The following DTNB variants were observed in gnomAD, a reference collection of about 807,000 sequenced individuals.
DTNB encodes DTN-B.
A neutral mutation model predicts 90.7 loss-of-function variants in DTNB; 63 were observed. The ratio of observed to expected loss-of-function variants is 0.69; its 90% confidence interval spans 0.57 to 0.86. The LOEUF (loss-of-function observed/expected upper bound fraction) is 0.86, where lower values mean the gene tolerates loss of function less well. Among genes scored for constraint, DTNB ranks in the 40% least tolerant of loss-of-function variants. The pLI, the probability that DTNB is intolerant of heterozygous loss-of-function variation, is 0.00. For synonymous variants in DTNB, 277 were observed against 286.7 expected (o/e 0.97, Z 0.34); for missense variants, 744 against 807.1 (o/e 0.92, Z 0.95).
At chr2:25,564,120 C>T (rs1186941774) in intron 8 of DTNB, among the ~76,000 whole-genome samples, 1 of 152,022 alleles carries the variant, frequency 6.6e-6, no homozygotes, top group African/African-American at 2.4e-5. Flanking sequence ...CCAGGATGGT[C>T]TCGATCTCCT....
intron 16 of DTNB, among the ~76,000 whole-genome samples, chr2:25,405,849 A>G (rs2045003337): frequency 6.6e-6 from 1 of 152,112 alleles, no homozygotes; most frequent in African/African-American, 2.4e-5. Flanking sequence ...TCAGGAATCA[A>G]GCTCTGGGCA....
At chr2:25,664,391 T>C (rs1382011294) in intron 1 of DTNB, among the ~76,000 whole-genome samples, 2 of 152,208 alleles carry the variant, frequency 1.3e-5, no homozygotes, top group Non-Finnish European at 2.9e-5. Context: ...GCAAAGTTCA[T>C]TTTATTCAAA....
intron 4 of DTNB, among the ~76,000 whole-genome samples, chr2:25,614,201 T>TA (rs1489077195): frequency 1.3e-5 from 2 of 152,156 alleles, no homozygotes; most frequent in Non-Finnish European, 2.9e-5. Context: ...TGGGCATCTT[T>TA]AAAAATAATC....
intron 8 of DTNB, chr2:25,558,502 T>G: frequency 1.5e-6 from 1 of 654,090 alleles, no homozygotes; most frequent in South Asian, 6.9e-5. Flanking sequence ...ACTGCTTGGT[T>G]TAAGCTAAGT....
intron 1 of DTNB, among the ~76,000 whole-genome samples, chr2:25,658,890 CAA>C (rs1001072010): frequency 6.6e-6 from 1 of 152,208 alleles, no homozygotes; most frequent in Admixed American, 6.5e-5. Context: ...CTTTACAACA[CAA>C]AGAGTGAATC....
At chr2:25,490,056 G>A (rs9917341) in intron 9 of DTNB, among the ~76,000 whole-genome samples, 20,022 of 152,202 alleles carry the variant, frequency 0.13, 1,701 homozygotes, top group Non-Finnish European at 0.18. Context: ...CAGGAGGATC[G>A]CTTGAGCCCA....
At chr2:25,499,940 G>A (rs1342453709) in intron 9 of DTNB, among the ~76,000 whole-genome samples, 1 of 152,086 alleles carries the variant, frequency 6.6e-6, no homozygotes, top group Non-Finnish European at 1.5e-5. Context: ...CTTTCACTCA[G>A]GCTGGAGTAC....
At chr2:25,620,048 T>A (rs1205014558) in intron 4 of DTNB, among the ~76,000 whole-genome samples, 2 of 150,384 alleles carry the variant, frequency 1.3e-5, no homozygotes, top group African/African-American at 4.9e-5. Flanking sequence ...TCAAAAAAAA[T>A]AATAAAAAAA....
chr2:25,458,951 T>G (rs1387671945), intron 10 of DTNB, among the ~76,000 whole-genome samples: 1 of 152,110 alleles, frequency 6.6e-6, no homozygotes, highest in African/African-American at 2.4e-5. Context: ...AGCTCTAATT[T>G]TTAAATCTTT....
chr2:25,412,337 G>A lies in DTNB; in HGVS notation c.1575+7178C>T, dbSNP rs550592763. ...ATAGGGCATGATGGCAAGATCCCAC[G>A]TGATAGCCAAACTCACTGAAGTAAA... On this transcript the variant is annotated intron_variant, in intron 16 of 20. Transcript: ENST00000406818. Among the ~76,000 whole-genome samples, 11 of 152,272 alleles carry A rather than the reference G, an allele frequency of 7.2e-5. No individual in the cohort carries two copies. The South Asian group carries it at 1.0e-3, about 14-fold the overall frequency.
chr2:25,408,659 C>A (rs985882971), intron 16 of DTNB, among the ~76,000 whole-genome samples: 1 of 151,550 alleles, frequency 6.6e-6, no homozygotes, highest in Admixed American at 6.6e-5. Flanking sequence ...TATATTGCAG[C>A]TCCAAATGCA....
chr2:25,490,359 C>T (rs1485121592), intron 9 of DTNB, among the ~76,000 whole-genome samples: 4 of 151,942 alleles, frequency 2.6e-5, no homozygotes, highest in East Asian at 1.9e-4. Context: ...AGAGTGGAGA[C>T]GGTTTTCTGA....
At chr2:25,605,787 T>C (rs570403428) in intron 5 of DTNB, among the ~76,000 whole-genome samples, 1 of 152,316 alleles carries the variant, frequency 6.6e-6, no homozygotes, top group South Asian at 2.1e-4. Flanking sequence ...TTTCTTTGTG[T>C]TTGATGAAAT....
intron 5 of DTNB, 100 bp downstream of exon 5, chr2:25,607,136 T>C (rs1392719993): frequency 7.6e-7 from 1 of 1,318,424 alleles, no homozygotes; most frequent in Non-Finnish European, 1.0e-6. Flanking sequence ...ATGGTAATTT[T>C]TTTAAAAGCT....
At position 25,419,735 on chromosome 2, in the gene DTNB, G is replaced by T. The variant is rs552807442; in HGVS notation, c.1555-200C>A. Among the ~76,000 whole-genome samples the T allele has an allele frequency of 1.2e-4, 19 of 152,226 alleles. No homozygotes were observed. The South Asian group carries it at 3.9e-3, about 32-fold the overall frequency. ...GAAGCAAGCAGCAGGCCTCGGCCCG[G>T]TGAGTGATTCAATGCTAACTCCTAG... is the stretch of plus-strand genomic sequence containing the variant. On this transcript the variant is annotated intron_variant, in intron 15 of 20. Transcript: ENST00000406818.
In DTNB at chr2:25,378,574, T is replaced by TG. The variant is rs751441829; in HGVS notation, c.*29+715dup. On this transcript the variant is annotated intron_variant, in intron 20 of 20. Coordinates refer to ENST00000406818, the MANE Select transcript of DTNB (RefSeq NM_021907.5). Reference sequence around the variant, plus strand: ...ATGCCTAATTTTTAAATATAAGAGGTGGGGGGGTGGGAGGAGGGGAGGGAA... The same window carrying TG: ...ATGCCTAATTTTTAAATATAAGAGGTGGGGGGGGTGGGAGGAGGGGAGGGAA... Among the ~76,000 whole-genome samples the TG allele has an allele frequency of 2.6e-3, 191 of 72,598 alleles. 1 individual carries two copies. Among genetic ancestry groups the TG allele is most frequent in the Middle Eastern group, 6.0e-3 (1 of 168 alleles). 47.6% of individuals were successfully genotyped at this position (72,598 alleles called of 152,430 possible).
At chr2:25,561,923 T>C (rs906199916) in intron 8 of DTNB, among the ~76,000 whole-genome samples, 3 of 152,216 alleles carry the variant, frequency 2.0e-5, no homozygotes, top group Admixed American at 6.5e-5. Context: ...ACTATTCATA[T>C]GCCATAAAAT....
chr2:25,419,714 C>T (rs185962927), intron 15 of DTNB, among the ~76,000 whole-genome samples, 179 bp from the exon 16 acceptor site: 6 of 152,276 alleles, frequency 3.9e-5, no homozygotes, highest in Non-Finnish European at 5.9e-5. Flanking sequence ...GAGGACGAAG[C>T]AAGCAGCAGG....
chr2:25,539,319 T>C (rs2080606250), intron 8 of DTNB, among the ~76,000 whole-genome samples: 1 of 152,212 alleles, frequency 6.6e-6, no homozygotes, highest in Non-Finnish European at 1.5e-5. Flanking sequence ...CAATTTGTTT[T>C]TACAAAGTGG....
Sources: allele counts gnomAD v4.1 joint callset (sites outside exome capture counted in the v4.1 genomes callset), GRCh38; gene constraint gnomAD v4.1.1; transcripts MANE v1.5; gene names NCBI Gene and HGNC (gene_info 2026-07-23, HGNC 2026-07-21).